The following MS4A1 variants were observed in gnomAD, a reference collection of about 807,000 sequenced individuals.
MS4A1 encodes membrane spanning 4-domains A1.
In MS4A1, 16 loss-of-function variants were observed where a neutral mutation model predicts 26.5. That is an observed-to-expected ratio of 0.60 (90% CI 0.41 to 0.92). The LOEUF is 0.92. Among genes scored for constraint, MS4A1 ranks in the 40% least tolerant of loss-of-function variants. MS4A1 has a pLI of 0.00. For missense variants in MS4A1, 350 were observed against 353.0 expected, an observed-to-expected ratio of 0.99 and a Z score of 0.07; for synonymous variants, 128 against 117.6, an observed-to-expected ratio of 1.09 and a Z score of -0.57.
intron 2 of MS4A1, among the ~76,000 whole-genome samples, chr11:60,461,634 C>T (rs2086248652): frequency 6.6e-6 from 1 of 151,702 alleles, no homozygotes; most frequent in South Asian, 2.1e-4. Flanking sequence ...ATTCTCCTGC[C>T]TTAGCCTCCC....
In MS4A1 at chr11:60,466,077, T is replaced by C. The variant is rs773560581; in HGVS notation, c.493T>C (p.Tyr165His). Residue 165 changes from tyrosine (Y) to histidine (H), a missense_variant, in exon 6 of 8, where the codon TAC (tyrosine) becomes CAC (histidine). By Grantham distance (83) the Tyr-to-His change is moderately conservative. Transcript: ENST00000345732. The part of the protein sequence containing the change: ...IRAHTPYINI[Y>H]NCEPANPSEK... ...AGCTCACACACCATATATTAACATA[T>C]ACAACTGTGAACCAGCTAATCCCTC... 4 of 1,614,038 alleles carry C rather than the reference T, an allele frequency of 2.5e-6. No homozygotes were observed. The South Asian group carries it at 4.4e-5, about 18-fold the overall frequency.
chr11:60,462,081 T>C (rs2086252365), intron 2 of MS4A1, 104 bp from the exon 3 acceptor site: 2 of 481,512 alleles, frequency 4.2e-6, no homozygotes, highest in South Asian at 2.0e-5. Context: ...CAAGGTGTCC[T>C]CTACAAAGAT....
Position 60,468,244 on chromosome 11 carries a change from T to C in MS4A1, c.676-6T>C. The C allele has an allele frequency of 6.2e-7, 1 of 1,603,724 alleles. No homozygotes were observed. Among genetic ancestry groups the C allele is most frequent in the Non-Finnish European group, 8.5e-7 (1 of 1,172,126 alleles). On this transcript the variant is annotated splice_region_variant and splice_polypyrimidine_tract_variant and intron_variant, in intron 7 of 7. Coordinates refer to ENST00000345732, the MANE Select transcript of MS4A1 (RefSeq NM_152866.3). The stretch of plus-strand genomic sequence containing the variant: ...AAAGAATGGTTTGTTTAATTTTCTG[T>C]TTTAGAACATAGTTCTCCTGTCAGC...
At chr11:60,464,148 G>T (rs190558844) in intron 4 of MS4A1, 140 bp from the exon 5 acceptor site, 1 of 668,840 alleles carries the variant, frequency 1.5e-6, no homozygotes, top group East Asian at 2.7e-5. Flanking sequence ...GATAAAAATG[G>T]GTGGATGGTT....
intron 1 of MS4A1, among the ~76,000 whole-genome samples, chr11:60,460,041 T>G (rs2135194377): frequency 6.6e-6 from 1 of 151,562 alleles, no homozygotes; most frequent in African/African-American, 2.4e-5. Flanking sequence ...AGTCCAGGAG[T>G]TCAAGACCAG....
chr11:60,462,822 G>GC (rs1276721469), intron 3 of MS4A1, among the ~76,000 whole-genome samples, 180 bp from the exon 4 acceptor site: 3 of 152,170 alleles, frequency 2.0e-5, no homozygotes, highest in Admixed American at 6.5e-5. Flanking sequence ...CCCTGGAAAT[G>GC]CCCCATGTGG....
intron 1 of MS4A1, among the ~76,000 whole-genome samples, chr11:60,459,073 C>T (rs891329907): frequency 1.3e-5 from 2 of 152,024 alleles, no homozygotes; most frequent in Non-Finnish European, 2.9e-5. Context: ...TTTATCTCGC[C>T]AATAATACAG....
chr11:60,462,594 G>T (rs531693843), intron 3 of MS4A1, 61 bp downstream of exon 3: 6 of 1,592,932 alleles, frequency 3.8e-6, no homozygotes, highest in African/African-American at 2.7e-5. Flanking sequence ...AAGCTGATGC[G>T]GTATAGGCCA....
chr11:60,463,146 T>C (rs2086262864), intron 4 of MS4A1, 25 bp downstream of exon 4: 1 of 1,614,108 alleles, frequency 6.2e-7, no homozygotes, highest in Non-Finnish European at 8.5e-7. Flanking sequence ...AGCAGCCATT[T>C]GGGAAATGGT....
chr11:60,460,667 G>A (rs1399199438), intron 1 of MS4A1, among the ~76,000 whole-genome samples: 1 of 152,182 alleles, frequency 6.6e-6, no homozygotes, highest in African/African-American at 2.4e-5. Context: ...TTCCAGGAAA[G>A]ACCCAGTGGA....
At chr11:60,464,122 A>T in intron 4 of MS4A1, 166 bp from the exon 5 acceptor site, 1 of 627,124 alleles carries the variant, frequency 1.6e-6, no homozygotes. Context: ...ATGACAGCTG[A>T]AAAATGAATA....
chr11:60,467,471 T>C (rs1337938662), intron 7 of MS4A1, among the ~76,000 whole-genome samples: 1 of 151,954 alleles, frequency 6.6e-6, no homozygotes, highest in South Asian at 2.1e-4. Flanking sequence ...AGACGGGGGT[T>C]CACCATGTTG....
rs1343933998 is a variant in MS4A1, at chr11:60,469,607, C to T, written c.*1139C>T. On this transcript the variant is annotated 3_prime_UTR_variant, in exon 8 of 8. Coordinates refer to ENST00000345732, the MANE Select transcript of MS4A1 (RefSeq NM_152866.3). ...TTTTACCCATGGGGATAAAAAGACTCAGACTTTCACCACATTTGGAAAACT... is the reference window on the plus strand; with the variant it reads ...TTTTACCCATGGGGATAAAAAGACTTAGACTTTCACCACATTTGGAAAACT... The T allele has an allele frequency of 6.6e-6, 1 of 152,116 alleles. No homozygotes were observed. The highest frequency in any genetic ancestry group is 1.5e-5 in the Non-Finnish European group (1 of 67,982). 9.4% of individuals were successfully genotyped at this position (152,116 alleles called of 1,614,324 possible).
At chr11:60,461,249 G>A (rs977642893) in intron 2 of MS4A1, 89 bp downstream of exon 2, 8 of 151,598 alleles carry the variant, frequency 5.3e-5, no homozygotes, top group Non-Finnish European at 1.0e-4. Context: ...ATAGATTGAG[G>A]GTTCAAGGTA....
At chr11:60,468,144 T>C in intron 7 of MS4A1, 106 bp from the exon 8 acceptor site, 1 of 1,068,002 alleles carries the variant, frequency 9.4e-7, no homozygotes, top group Admixed American at 2.2e-5. Flanking sequence ...ATAAATGACA[T>C]AAGTAGCATA....
At chr11:60,457,972 T>C (rs1228285529) in intron 1 of MS4A1, 1 of 152,210 alleles carries the variant, frequency 6.6e-6, no homozygotes, top group African/African-American at 2.4e-5. Flanking sequence ...TTTAGCACCT[T>C]AACAAATGCA....
At chr11:60,466,288 G>T (rs961836948) in intron 6 of MS4A1, 131 bp downstream of exon 6, 6 of 804,016 alleles carry the variant, frequency 7.5e-6, no homozygotes, top group Middle Eastern at 2.7e-4. Flanking sequence ...CTTTGGGAAA[G>T]AATTTTAACC....
At position 60,470,530 on chromosome 11, in the gene MS4A1, T is replaced by A. The variant is rs2086335668; in HGVS notation, c.*2062T>A. On this transcript the variant is annotated 3_prime_UTR_variant, in exon 8 of 8. Transcript: ENST00000345732. The stretch of plus-strand genomic sequence containing the variant: ...ACATAACTCCTTATAATAGGAGACA[T>A]CTTTAATGTCTGCTATTAAAGAAGG... 6.6e-6 allele frequency: 1 copy of A among 151,982 alleles called. No homozygotes were observed. The highest frequency in any genetic ancestry group is 1.5e-5 in the Non-Finnish European group (1 of 67,882). 9.4% of individuals were successfully genotyped at this position (151,982 alleles called of 1,614,324 possible).
Position 60,470,108 on chromosome 11 carries a change from A to G in MS4A1, c.*1640A>G, listed in dbSNP as rs199810390. Reference sequence around the variant, plus strand: ...GTCTATTCTTCTTTACTCTTGAAACATTAGACCATGGGAGGCTCTTACAGC... The same window carrying G: ...GTCTATTCTTCTTTACTCTTGAAACGTTAGACCATGGGAGGCTCTTACAGC... On this transcript the variant is annotated 3_prime_UTR_variant, in exon 8 of 8. Transcript: ENST00000345732. The G allele has an allele frequency of 2.0e-5, 3 of 152,062 alleles. No homozygotes were observed. Among genetic ancestry groups the G allele is most frequent in the Non-Finnish European group, 4.4e-5 (3 of 67,930 alleles). The allele number at this position is 152,062 out of a possible 1,614,324, so 9.4% of individuals were successfully genotyped here. A position where few individuals can be genotyped will look rare whatever the true frequency, so the allele number is the denominator to read the frequency against.
Sources: gnomAD v4.1 joint callset for allele counts (sites outside exome capture counted in the v4.1 genomes callset) on GRCh38, gnomAD v4.1.1 for gene constraint, MANE v1.5 for transcripts, NCBI Gene and HGNC (gene_info 2026-07-23, HGNC 2026-07-21) for gene names.